The following CBLN2 variants were observed in gnomAD, a reference collection of about 807,000 sequenced individuals.
The protein encoded by CBLN2 is cerebellin 2 precursor.
In CBLN2, 7 loss-of-function variants were observed where a neutral mutation model predicts 15.0. The observed-to-expected ratio is 0.47, with a 90% CI of 0.27 to 0.88. CBLN2 has a LOEUF of 0.88. CBLN2 is among the 40% of genes least tolerant of loss of function. CBLN2 has a pLI of 0.14. For synonymous variants in CBLN2, 149 were observed against 135.2 expected (o/e 1.10, Z -0.71); for missense variants, 242 against 304.5 (o/e 0.79, Z 1.53).
At chr18:72,575,564 C>T (rs916540848) in intron 1 of CBLN2, among the ~76,000 whole-genome samples, 15 of 152,144 alleles carry the variant, frequency 9.9e-5, no homozygotes, top group African/African-American at 3.6e-4. Context: ...TTCTCCAGGT[C>T]CTGTACTAAA....
chr18:72,630,529 A>AAC (rs369381107), intron 1 of CBLN2, among the ~76,000 whole-genome samples: 87 of 134,018 alleles, frequency 6.5e-4, no homozygotes, highest in African/African-American at 2.7e-3. Flanking sequence ...CACCCTGCAC[A>AAC]ACTCACAACC....
intron 1 of CBLN2, among the ~76,000 whole-genome samples, chr18:72,572,789 T>C (rs919913594): frequency 2.0e-5 from 3 of 152,064 alleles, no homozygotes; most frequent in African/African-American, 7.2e-5. Flanking sequence ...ATTATCATAG[T>C]TTTTTAATTT....
chr18:72,605,558 G>A, intron 1 of CBLN2, among the ~76,000 whole-genome samples: 1 of 152,140 alleles, frequency 6.6e-6, no homozygotes, highest in Non-Finnish European at 1.5e-5. Flanking sequence ...TATCAATGAT[G>A]TCACTTCATA....
intron 1 of CBLN2, among the ~76,000 whole-genome samples, chr18:72,554,847 A>AC (rs1281588253): frequency 6.6e-6 from 1 of 152,082 alleles, no homozygotes; most frequent in Non-Finnish European, 1.5e-5. Context: ...AAAGAAAAAA[A>AC]ATTAGTGGCC....
intron 1 of CBLN2, among the ~76,000 whole-genome samples, chr18:72,584,233 G>A (rs988993947): frequency 6.6e-6 from 1 of 151,818 alleles, no homozygotes; most frequent in Non-Finnish European, 1.5e-5. Context: ...TGAACTCTTA[G>A]TCAGTGGCCT....
intron 1 of CBLN2, among the ~76,000 whole-genome samples, chr18:72,633,876 TCTA>T (rs1393036016): frequency 1.3e-5 from 2 of 152,108 alleles, no homozygotes; most frequent in African/African-American, 4.8e-5. Flanking sequence ...AGTCAACAAT[TCTA>T]CTGTTTATGA....
At chr18:72,549,922 C>G (rs918521232) in intron 1 of CBLN2, among the ~76,000 whole-genome samples, 7 of 151,988 alleles carry the variant, frequency 4.6e-5, no homozygotes, top group Non-Finnish European at 8.8e-5. Context: ...AAAATGAAAC[C>G]CTCTGGCTCC....
intron 1 of CBLN2, among the ~76,000 whole-genome samples, chr18:72,598,681 C>A (rs2069528399): frequency 6.6e-6 from 1 of 152,162 alleles, no homozygotes; most frequent in Admixed American, 6.5e-5. Flanking sequence ...GTTTCAGAAC[C>A]CAGAGCATTT....
intron 3 of CBLN2, among the ~76,000 whole-genome samples, chr18:72,540,459 A>G (rs1358979427): frequency 1.3e-5 from 2 of 152,176 alleles, no homozygotes; most frequent in Non-Finnish European, 2.9e-5. Context: ...TTGTTACACA[A>G]ATGCAAAGGT....
chr18:72,565,768 C>G (rs943044166), intron 1 of CBLN2, among the ~76,000 whole-genome samples: 2 of 152,022 alleles, frequency 1.3e-5, no homozygotes, highest in Admixed American at 1.3e-4. Context: ...GATTTTTTGG[C>G]TAAGTCCTCA....
intron 1 of CBLN2, among the ~76,000 whole-genome samples, chr18:72,595,349 T>C (rs1017814211): frequency 1.3e-5 from 2 of 152,108 alleles, no homozygotes; most frequent in South Asian, 2.1e-4. Flanking sequence ...AAAACTCCTC[T>C]TGTTATTGAT....
chr18:72,548,103 G>C (rs931280879), upstream of CBLN2, among the ~76,000 whole-genome samples: 2 of 152,148 alleles, frequency 1.3e-5, no homozygotes, highest in African/African-American at 4.8e-5. Flanking sequence ...TGTGGTATCG[G>C]TGTCTGGAGT....
At chr18:72,615,033 G>GTAAATA (rs1332829230) in intron 1 of CBLN2, among the ~76,000 whole-genome samples, 38 of 121,932 alleles carry the variant, frequency 3.1e-4, no homozygotes, top group African/African-American at 4.9e-4. Context: ...AGGAGATCAA[G>GTAAATA]TACATATATA....
intron 1 of CBLN2, among the ~76,000 whole-genome samples, chr18:72,579,730 T>G (rs1198038824): frequency 4.1e-5 from 4 of 97,806 alleles, no homozygotes; most frequent in African/African-American, 7.6e-5. Flanking sequence ...AGACTCCGTC[T>G]CGCAAAAAAC....
At chr18:72,588,882 A>G (rs565100855) in intron 1 of CBLN2, among the ~76,000 whole-genome samples, 15 of 152,356 alleles carry the variant, frequency 9.8e-5, no homozygotes, top group Admixed American at 7.8e-4. Context: ...CTGGAGCGTA[A>G]TATTTGGAAG....
At chr18:72,618,379 G>A in intron 1 of CBLN2, 1 of 532,262 alleles carries the variant, frequency 1.9e-6, no homozygotes, top group South Asian at 1.8e-5. Flanking sequence ...GAGCAATGTG[G>A]AATACTCACA....
Position 72,541,956 on chromosome 18 carries a change from C to G in CBLN2, c.205G>C (p.Asp69His). 6.2e-7 allele frequency: 1 copy of G among 1,607,536 alleles called. No homozygotes were observed. Among genetic ancestry groups the G allele is most frequent in the Non-Finnish European group, 8.5e-7 (1 of 1,179,528 alleles). The change falls in exon 3 of 5, where the codon GAC becomes CAC. Residue 69 changes from aspartate (D) to histidine (H), a missense_variant. Asp to His is a moderately conservative substitution (Grantham distance 81, BLOSUM62 -1). This residue lies in a region of CBLN2 where 89 missense variants were observed against 114.2 expected (regional missense o/e 0.78). Coordinates refer to ENST00000269503, the MANE Select transcript of CBLN2 (RefSeq NM_182511.4). ...GCGCCGTCCGCCGACGGGCTGGAGT[C>G]GCACACCACCAGGCACTTGCCCTCC... ...VLEGKCLVVC[D>H]SSPSADGAVT...
upstream of CBLN2, among the ~76,000 whole-genome samples, chr18:72,544,803 C>A (rs1234673470): frequency 1.3e-5 from 2 of 151,938 alleles, no homozygotes; most frequent in African/African-American, 4.8e-5. Flanking sequence ...AGGTTATCAT[C>A]GGTTATTATC....
intron 1 of CBLN2, among the ~76,000 whole-genome samples, chr18:72,607,571 TTTCTG>T (rs1296297269): frequency 6.6e-6 from 1 of 152,222 alleles, no homozygotes; most frequent in Non-Finnish European, 1.5e-5. Context: ...CATGGCTTCT[TTTCTG>T]ACATGCTATG....
Sources: gnomAD v4.1 joint callset for allele counts (sites outside exome capture counted in the v4.1 genomes callset) on GRCh38, gnomAD v4.1.1 for gene constraint, gnomAD v4.1.1 regional missense constraint, MANE v1.5 for transcripts, NCBI Gene and HGNC (gene_info 2026-07-23, HGNC 2026-07-21) for gene names.